The following SMC2 variants were observed in gnomAD, a reference collection of about 807,000 sequenced individuals.
The protein encoded by SMC2 is structural maintenance of chromosomes 2.
SMC2 carries 41 observed loss-of-function variants against 142.6 expected under a neutral mutation model. The observed-to-expected ratio is 0.29, with a 90% CI of 0.22 to 0.37. The LOEUF (loss-of-function observed/expected upper bound fraction) is 0.37. SMC2 is among the 10% of genes least tolerant of loss of function. The pLI is 1.00. For missense variants in SMC2, 1,265 were observed against 1,373.7 expected (o/e 0.92, Z 1.25); for synonymous variants, 463 against 457.5 (o/e 1.01, Z -0.15).
At chr9:104,089,630 T>C (rs1158617740), upstream of SMC2, among the ~76,000 whole-genome samples, 1 of 152,058 alleles carries the variant, frequency 6.6e-6, no homozygotes, top group Non-Finnish European at 1.5e-5. Flanking sequence ...CAAGTAAGAA[T>C]AGAACTTACT....
rs758083339 is a variant in SMC2, at chr9:104,096,314, CCTTTGGGTAT to C, written c.318+21_318+30del. ...ACAAGGCAGGTGAGTGGCAATTAAACCTTTGGGTATCTTAAGACCTTTTATGTCTGATGTG... is the reference window on the plus strand; with the variant it reads ...ACAAGGCAGGTGAGTGGCAATTAAACCTTAAGACCTTTTATGTCTGATGTG... On this transcript the variant is annotated intron_variant, in intron 3 of 24. Transcript: ENST00000374793. 6.2e-7 allele frequency: 1 copy of C among 1,612,354 alleles called. No homozygotes were observed. Among genetic ancestry groups the C allele is most frequent in the Non-Finnish European group, 8.5e-7 (1 of 1,178,788 alleles).
At chr9:104,136,284 T>C (rs886239408) in intron 23 of SMC2, among the ~76,000 whole-genome samples, 10 of 152,108 alleles carry the variant, frequency 6.6e-5, no homozygotes, top group Admixed American at 2.0e-4. Context: ...CCTGTTAATG[T>C]TCCTTATGAC....
intron 14 of SMC2, among the ~76,000 whole-genome samples, chr9:104,117,748 T>C (rs575554625): frequency 1.3e-5 from 2 of 152,304 alleles, no homozygotes; most frequent in South Asian, 4.1e-4. Flanking sequence ...TATTTTGGAT[T>C]TAGAAAGTTC....
Position 104,138,064 on chromosome 9 carries a change from C to T in SMC2, c.3316C>T (p.Pro1106Ser). 1 of 1,610,966 alleles carries T rather than the reference C, an allele frequency of 6.2e-7. No homozygotes were observed. Among genetic ancestry groups the T allele is most frequent in the Non-Finnish European group, 8.5e-7 (1 of 1,178,024 alleles). ...SLILSMLLFK[P>S]APIYILDEVD... ...AATACTGTCCATGCTTCTCTTCAAA[C>T]CTGCTCCAATTTATATCCTTGATGA... is the stretch of plus-strand genomic sequence containing the variant. Residue 1106 changes from proline to serine, a missense_variant, in exon 24 of 25, where the codon CCT becomes TCT. Around this residue, in one of 4 missense-constraint regions of SMC2, gnomAD observed 192 missense variants for 261.9 expected, o/e 0.73. Coordinates refer to ENST00000374793, the MANE Select transcript of SMC2 (RefSeq NM_006444.3).
At chr9:104,089,167 CAT>C in the SMC2 span, among the ~76,000 whole-genome samples, 1 of 151,998 alleles carries the variant, frequency 6.6e-6, no homozygotes, top group Non-Finnish European at 1.5e-5. Context: ...GAAACATATA[CAT>C]ATATATAGTA....
At chr9:104,093,066 C>T (rs1830066572), upstream of SMC2, 3 of 152,172 alleles carry the variant, frequency 2.0e-5, no homozygotes, top group African/African-American at 4.8e-5. Flanking sequence ...TGTGACATTC[C>T]AGCCTTCAGA....
upstream of SMC2, chr9:104,094,209 G>A: frequency 2.5e-6 from 1 of 394,756 alleles, no homozygotes; most frequent in East Asian, 3.6e-5. Context: ...TTAATCCTTC[G>A]AGTGTAGGGG....
At chr9:104,122,723 AATAG>A (rs1199692654) in intron 16 of SMC2, among the ~76,000 whole-genome samples, 42 of 152,216 alleles carry the variant, frequency 2.8e-4, no homozygotes, top group African/African-American at 9.4e-4. Flanking sequence ...GAGGTTAATA[AATAG>A]ATAACTACAT....
chr9:104,096,375 A>C (rs1423206011), intron 3 of SMC2, 78 bp downstream of exon 3: 2 of 1,406,174 alleles, frequency 1.4e-6, no homozygotes, highest in Non-Finnish European at 2.0e-6. Context: ...CCTTTGCAAA[A>C]CGTGCTAGAG....
At position 104,134,561 on chromosome 9, in the gene SMC2, T is replaced by C. The variant is rs773439001; in HGVS notation, c.3255T>C (p.Leu1085=). 2 of 1,606,288 alleles carry C rather than the reference T, an allele frequency of 1.2e-6. No homozygotes were observed. The highest frequency in any genetic ancestry group is 1.7e-6 in the Non-Finnish European group (2 of 1,176,404). Residue 1085 remains leucine (L), a synonymous_variant, in exon 23 of 25, where the codon CTT becomes CTC. Transcript: ENST00000374793. ...GNTWKENLTE[L]SGGQRSLVAL... Reference sequence around the variant, plus strand: ...CCTGGAAAGAAAACCTAACTGAACTTAGTGGTGGTCAGAGGTGAGGAATCA... The same window carrying C: ...CCTGGAAAGAAAACCTAACTGAACTCAGTGGTGGTCAGAGGTGAGGAATCA...
intron 15 of SMC2, among the ~76,000 whole-genome samples, chr9:104,118,707 CA>C (rs1244058033): frequency 6.6e-6 from 1 of 152,112 alleles, no homozygotes; most frequent in Admixed American, 6.6e-5. Context: ...CAGTGTTCTA[CA>C]CTATGCTGTC....
rs1207238672 is a variant in SMC2, at chr9:104,102,150, C to A, written c.827C>A (p.Ala276Glu). ...TCTGAGAATGATAAAAAAATAAAAG[C>A]ACTTAATCATGAAATAGAAGAATTG... ...ELSENDKKIKALNHEIEELEK... is the reference protein window; with the variant it reads ...ELSENDKKIKELNHEIEELEK... The change falls in exon 8 of 25, where the codon GCA (alanine) becomes GAA (glutamate). Residue 276 changes from alanine (A) to glutamate (E), a missense_variant. Physicochemically the swap from Ala to Glu is moderately radical, Grantham distance 107 (BLOSUM62 -1). Around this residue, in one of 4 missense-constraint regions of SMC2, gnomAD observed 898 missense variants for 904.2 expected, o/e 0.99. Transcript: ENST00000374793. 5 of 1,577,266 alleles carry A rather than the reference C, an allele frequency of 3.2e-6. No individual in the cohort carries two copies. The African/African-American group carries it at 6.8e-5, about 21-fold the overall frequency.
At chr9:104,094,606 T>G (rs1408713270) in intron 1 of SMC2, 129 bp downstream of exon 1, 1 of 379,306 alleles carries the variant, frequency 2.6e-6, no homozygotes, top group Non-Finnish European at 4.7e-6. Flanking sequence ...GGACCTTAGG[T>G]GATCCTTAGA....
At chr9:104,127,987 C>G (rs928749702) in intron 20 of SMC2, among the ~76,000 whole-genome samples, 1 of 152,072 alleles carries the variant, frequency 6.6e-6, no homozygotes. Context: ...TGAGGTTATC[C>G]CAGTTTCTTT....
intron 18 of SMC2, among the ~76,000 whole-genome samples, chr9:104,125,777 C>G (rs1207897569): frequency 6.6e-6 from 1 of 152,166 alleles, no homozygotes; most frequent in East Asian, 1.9e-4. Flanking sequence ...TATCTTTTAG[C>G]TAATGCCAAA....
At chr9:104,124,336 T>G (rs766345278) in intron 17 of SMC2, among the ~76,000 whole-genome samples, 7 of 152,130 alleles carry the variant, frequency 4.6e-5, no homozygotes, top group Non-Finnish European at 7.4e-5. Context: ...CTGCCTGCCT[T>G]GGCTTCCCAA....
Position 104,116,241 on chromosome 9 carries a change from T to C in SMC2, c.1713T>C (p.Arg571=). 6.2e-7 allele frequency: 1 copy of C among 1,608,322 alleles called. No homozygotes were observed. Residue 571 remains arginine (R), a synonymous_variant, in exon 14 of 25, where the codon CGT becomes CGC. Transcript: ENST00000374793. ...TACTAGAAAGGGGGGAACTGAAACG[T>C]CGATACACTATAATTCCACTCAATA... The part of the protein sequence containing the change: ...KKLLERGELK[R]RYTIIPLNKI...
intron 18 of SMC2, among the ~76,000 whole-genome samples, chr9:104,125,339 G>A (rs1273278136): frequency 6.6e-6 from 1 of 152,044 alleles, no homozygotes; most frequent in African/African-American, 2.4e-5. Flanking sequence ...AGGCTCAAAG[G>A]AAATGTTCAT....
Position 104,100,255 on chromosome 9 carries a change from A to G in SMC2, c.591+52A>G, listed in dbSNP as rs192170872. The G allele has an allele frequency of 4.8e-5, 69 of 1,435,808 alleles. No individual in the cohort carries two copies. In the East Asian group the frequency reaches 1.3e-3, roughly 26 times the overall value. The allele number at this position is 1,435,808 out of a possible 1,614,324, so 88.9% of individuals were successfully genotyped here. ...CGGAGAAGAATGTAATTTTGCATGT[A>G]GAGTTTTTGCTGTAAAGAGGGAAAA... On this transcript the variant is annotated intron_variant, in intron 6 of 24. Coordinates refer to ENST00000374793, the MANE Select transcript of SMC2 (RefSeq NM_006444.3).
Sources: allele counts gnomAD v4.1 joint callset (sites outside exome capture counted in the v4.1 genomes callset), GRCh38; gene constraint gnomAD v4.1.1; regional missense constraint gnomAD v4.1.1; transcripts MANE v1.5; gene names NCBI Gene and HGNC (gene_info 2026-07-23, HGNC 2026-07-21).